Variants in ARHGAP21 observed in about 807,000 individuals in gnomAD.
The protein encoded by ARHGAP21 is rho GTPase-activating protein 21.
Under a neutral mutation model 164.6 loss-of-function variants are expected in ARHGAP21, and 38 were observed. That is an observed-to-expected ratio of 0.23 (90% CI 0.18 to 0.30). The LOEUF (loss-of-function observed/expected upper bound fraction) is 0.30, where lower values mean the gene tolerates loss of function less well. Among genes scored for constraint, ARHGAP21 ranks in the 10% least tolerant of loss-of-function variants. ARHGAP21 has a pLI of 1.00. For missense variants in ARHGAP21, 1,822 were observed against 2,370.7 expected, an observed-to-expected ratio of 0.77 and a Z score of 4.81; for synonymous variants, 766 against 857.9, an observed-to-expected ratio of 0.89 and a Z score of 1.87.
chr10:24,594,842 G>A (rs2076509812), intron 21 of ARHGAP21, 108 bp downstream of exon 21: 2 of 833,486 alleles, frequency 2.4e-6, no homozygotes, highest in Admixed American at 3.2e-5. Context: ...TACCCAGTTT[G>A]ATGTTGAATT....
At chr10:24,589,496 C>G in intron 24 of ARHGAP21, 194 bp from the exon 25 acceptor site, 1 of 515,632 alleles carries the variant, frequency 1.9e-6, no homozygotes, top group Admixed American at 4.2e-5. Flanking sequence ...TGAAAGGATG[C>G]TGTGAATTGT....
At chr10:24,589,329 C>G in intron 24 of ARHGAP21, 27 bp from the exon 25 acceptor site, 2 of 1,591,094 alleles carry the variant, frequency 1.3e-6, no homozygotes, top group East Asian at 2.2e-5. Flanking sequence ...AAAACATGGT[C>G]AGTATTAGCC....
At position 24,596,098 on chromosome 10, in the gene ARHGAP21, G is replaced by C. The variant is rs983032357; in HGVS notation, c.3478-55C>G. The stretch of plus-strand genomic sequence containing the variant: ...AATGCAGCACAAATGTTTAGTAGTT[G>C]TATATCACAGCTAAAATGCCCCTTT... On this transcript the variant is annotated intron_variant, in intron 17 of 25. Transcript: ENST00000396432. The C allele has an allele frequency of 6.3e-6, 9 of 1,424,694 alleles. No homozygotes were observed. The Middle Eastern group carries it at 5.4e-4, about 86-fold the overall frequency. 88.3% of individuals were successfully genotyped at this position (1,424,694 alleles called of 1,614,324 possible).
At chr10:24,702,599 T>A (rs1843799194) in intron 2 of ARHGAP21, among the ~76,000 whole-genome samples, 1 of 151,642 alleles carries the variant, frequency 6.6e-6, no homozygotes, top group Non-Finnish European at 1.5e-5. Context: ...TGTTTTTTGG[T>A]TTTTTGAGAC....
At chr10:24,646,649 C>T (rs1215084080) in intron 4 of ARHGAP21, among the ~76,000 whole-genome samples, 1 of 152,222 alleles carries the variant, frequency 6.6e-6, no homozygotes, top group East Asian at 1.9e-4. Context: ...GTAGCTTGGT[C>T]TTGTAATCCT....
chr10:24,720,254 C>CAA (rs55746821), intron 2 of ARHGAP21, among the ~76,000 whole-genome samples: 66,822 of 133,426 alleles, frequency 0.5, 16,496 homozygotes, highest in Middle Eastern at 0.52. Context: ...CTTAAATGAC[C>CAA]AAAAAAAAAA....
intron 13 of ARHGAP21, 87 bp downstream of exon 13, chr10:24,601,891 T>G: frequency 7.6e-7 from 1 of 1,307,648 alleles, no homozygotes; most frequent in Non-Finnish European, 9.9e-7. Flanking sequence ...AATCTGGATA[T>G]CATGCCATTT....
At chr10:24,637,333 GTCT>G (rs1488824919) in intron 4 of ARHGAP21, among the ~76,000 whole-genome samples, 2 of 152,220 alleles carry the variant, frequency 1.3e-5, no homozygotes, top group African/African-American at 4.8e-5. Flanking sequence ...GGTTAGGTCA[GTCT>G]GTGGTCAATC....
chr10:24,625,299 G>GCAA lies in ARHGAP21; in HGVS notation c.496-2538_496-2537insTTG, dbSNP rs768183583. Among the ~76,000 whole-genome samples, 379 of 53,694 alleles carry GCAA rather than the reference G, an allele frequency of 7.1e-3. 64 individuals are homozygous for GCAA. Among genetic ancestry groups the GCAA allele is most frequent in the East Asian group, 0.03 (48 of 1,580 alleles). 35.2% of individuals were successfully genotyped at this position (53,694 alleles called of 152,430 possible). A position where few individuals can be genotyped will look rare whatever the true frequency, so the allele number is the denominator to read the frequency against. On this transcript the variant is annotated intron_variant, in intron 7 of 25. Coordinates refer to ENST00000396432, the MANE Select transcript of ARHGAP21 (RefSeq NM_020824.4). The stretch of plus-strand genomic sequence containing the variant: ...TAAATGGTAAACAAAATGAAACAGA[G>GCAA]AAAAAAAAAAAAAAAAAAAAAAAAC...
intron 2 of ARHGAP21, among the ~76,000 whole-genome samples, chr10:24,704,596 C>G (rs1844044681): frequency 6.6e-6 from 1 of 151,978 alleles, no homozygotes; most frequent in South Asian, 2.1e-4. Context: ...TCCCAAGCAG[C>G]TGGGATTATT....
intron 2 of ARHGAP21, among the ~76,000 whole-genome samples, chr10:24,673,870 A>C (rs1359408642): frequency 6.6e-6 from 1 of 152,118 alleles, no homozygotes; most frequent in East Asian, 1.9e-4. Flanking sequence ...CAAAAAAGTC[A>C]AATAAAATAA....
At chr10:24,673,954 CT>C (rs1187154617) in intron 2 of ARHGAP21, among the ~76,000 whole-genome samples, 44 of 152,286 alleles carry the variant, frequency 2.9e-4, no homozygotes, top group African/African-American at 9.1e-4. Context: ...TCTTTATGAA[CT>C]TAGGTCAAGA....
In ARHGAP21 at chr10:24,698,001, T is replaced by C. The variant is rs150526784; in HGVS notation, c.63+23836A>G. The stretch of plus-strand genomic sequence containing the variant: ...GCATTTTGTTGATAAAGCTAGTAAA[T>C]TCAGTAGCTCCCACATTTGCTTATT... On this transcript the variant is annotated intron_variant, in intron 2 of 25. Coordinates refer to ENST00000396432, the MANE Select transcript of ARHGAP21 (RefSeq NM_020824.4). 6.0e-4 allele frequency among the ~76,000 whole-genome samples: 91 copies of C among 152,274 alleles called. No homozygotes were observed. In the East Asian group the frequency reaches 0.016, roughly 27 times the overall value.
At chr10:24,651,683 T>A (rs2131553358) in intron 4 of ARHGAP21, among the ~76,000 whole-genome samples, 1 of 152,346 alleles carries the variant, frequency 6.6e-6, no homozygotes, top group African/African-American at 2.4e-5. Flanking sequence ...TTGAAAACTT[T>A]ATCAACATGA....
chr10:24,604,894 C>T (rs2076960065), intron 11 of ARHGAP21, among the ~76,000 whole-genome samples: 1 of 152,148 alleles, frequency 6.6e-6, no homozygotes, highest in African/African-American at 2.4e-5. Flanking sequence ...ACTGTTGCCA[C>T]TGAACAGGCT....
intron 2 of ARHGAP21, among the ~76,000 whole-genome samples, chr10:24,719,241 CT>C (rs1845699659): frequency 6.6e-6 from 1 of 152,164 alleles, no homozygotes; most frequent in Non-Finnish European, 1.5e-5. Flanking sequence ...ACCATCCTTA[CT>C]GTATAATGCC....
chr10:24,669,448 C>T (rs1278673725), intron 3 of ARHGAP21, among the ~76,000 whole-genome samples: 1 of 152,168 alleles, frequency 6.6e-6, no homozygotes, highest in Non-Finnish European at 1.5e-5. Context: ...CGTAACTCTT[C>T]TGAATATCAT....
intron 2 of ARHGAP21, among the ~76,000 whole-genome samples, chr10:24,711,242 C>G (rs1214609756): frequency 6.6e-6 from 1 of 151,752 alleles, no homozygotes; most frequent in African/African-American, 2.4e-5. Context: ...TATCTAACAA[C>G]TGATACTATT....
At chr10:24,704,663 T>C (rs1257823950) in intron 2 of ARHGAP21, among the ~76,000 whole-genome samples, 4 of 151,856 alleles carry the variant, frequency 2.6e-5, no homozygotes, top group Non-Finnish European at 5.9e-5. Context: ...GAGACAGGGT[T>C]TTGCCATGTT....
Sources: allele counts gnomAD v4.1 joint callset (sites outside exome capture counted in the v4.1 genomes callset), GRCh38; gene constraint gnomAD v4.1.1; transcripts MANE v1.5; gene names NCBI Gene and HGNC (gene_info 2026-07-23, HGNC 2026-07-21).